Variants in ACKR2 observed in about 807,000 individuals in gnomAD.
ACKR2 encodes the protein atypical chemokine receptor 2.
For missense variants in ACKR2, 457 were observed against 477.3 expected (o/e 0.96, Z 0.40); for synonymous variants, 207 against 192.2 (o/e 1.08, Z -0.64).
chr3:42,855,525 CA>C (rs1169493627), intron 2 of ACKR2, among the ~76,000 whole-genome samples: 1 of 152,086 alleles, frequency 6.6e-6, no homozygotes, highest in Non-Finnish European at 1.5e-5. Context: ...AGTGAAAGAT[CA>C]GGGGTAAAGG....
intron 2 of ACKR2, among the ~76,000 whole-genome samples, chr3:42,833,524 C>G (rs1283079553): frequency 6.6e-6 from 1 of 152,032 alleles, no homozygotes; most frequent in Non-Finnish European, 1.5e-5. Flanking sequence ...ATTTTACATT[C>G]CGTTATTTGT....
At chr3:42,812,925 G>C (rs55641040) in intron 1 of ACKR2, among the ~76,000 whole-genome samples, 80,151 of 151,730 alleles carry the variant, frequency 0.53, 21,852 homozygotes, top group African/African-American at 0.59. Flanking sequence ...CTGACCTCAA[G>C]TGATCCACCT....
rs772959627 is a variant in ACKR2, at chr3:42,865,408, C to T, written c.906C>T (p.Phe302=). 3.7e-6 allele frequency: 6 copies of T among 1,614,186 alleles called. 1 individual carries two copies. The highest frequency in any genetic ancestry group is 2.2e-5 in the South Asian group (2 of 91,088). The change falls in exon 3 of 3, where the codon TTC becomes TTT. Residue 302 remains phenylalanine (F), a synonymous_variant. Transcript: ENST00000422265. ...YALQVTESIA[F]LHCCFSPILY... ...TCCAGGTAACAGAGAGCATCGCCTT[C>T]CTTCACTGCTGCTTTTCCCCCATCC...
At chr3:42,845,314 C>T (rs1349305495) in intron 2 of ACKR2, among the ~76,000 whole-genome samples, 1 of 152,198 alleles carries the variant, frequency 6.6e-6, no homozygotes, top group Non-Finnish European at 1.5e-5. Context: ...TCCTGAGTCT[C>T]ACTGTTTGAG....
At chr3:42,848,171 T>G (rs1701116797) in intron 2 of ACKR2, among the ~76,000 whole-genome samples, 1 of 146,818 alleles carries the variant, frequency 6.8e-6, no homozygotes, top group Admixed American at 6.8e-5. Flanking sequence ...CATACTAATA[T>G]AAATACTTAA....
chr3:42,865,838 C>G lies in ACKR2; in HGVS notation c.*181C>G, dbSNP rs2088430629. ...CTTCCTCCACTTTCTTCACTTGCTT[C>G]CAGGATACCACGCTTTCTTTTCTGA... On this transcript the variant is annotated 3_prime_UTR_variant, in exon 3 of 3. Coordinates refer to ENST00000422265, the MANE Select transcript of ACKR2 (RefSeq NM_001296.5). 3 of 565,484 alleles carry G rather than the reference C, an allele frequency of 5.3e-6. No individual in the cohort carries two copies. The highest frequency in any genetic ancestry group is 3.5e-5 in the Admixed American group (1 of 28,348). The allele number at this position is 565,484 out of a possible 1,614,324, so 35.0% of individuals were successfully genotyped here.
chr3:42,820,757 G>A (rs1700802724), intron 2 of ACKR2, among the ~76,000 whole-genome samples: 1 of 148,734 alleles, frequency 6.7e-6, no homozygotes, highest in African/African-American at 2.5e-5. Flanking sequence ...TAGTAACCTT[G>A]GCCTGTTGCC....
Position 42,809,759 on chromosome 3 carries a change from G to C in ACKR2, c.-119+227G>C, listed in dbSNP as rs9851661. Among the ~76,000 whole-genome samples the C allele has an allele frequency of 9.8e-3, 1,486 of 152,132 alleles. 31 individuals are homozygous for C. The highest frequency in any genetic ancestry group is 0.034 in the African/African-American group (1,414 of 41,490). ...CACCTGTAATCTCAGCTACTCAGGA[G>C]GCTAAGGCAGGAGAATTGTGTGAAC... On this transcript the variant is annotated intron_variant, in intron 1 of 2. Coordinates refer to ENST00000422265, the MANE Select transcript of ACKR2 (RefSeq NM_001296.5).
In ACKR2 at chr3:42,846,331, T is replaced by A. The variant is rs17842065; in HGVS notation, c.-37-18135T>A. ...GTTGATTAGCTGTCAGCTTTCTCAGTTTCCAGAGACCTTGAAAATATTTAA... is the reference window on the plus strand; with the variant it reads ...GTTGATTAGCTGTCAGCTTTCTCAGATTCCAGAGACCTTGAAAATATTTAA... On this transcript the variant is annotated intron_variant, in intron 2 of 2. Coordinates refer to ENST00000422265, the MANE Select transcript of ACKR2 (RefSeq NM_001296.5). Among the ~76,000 whole-genome samples, 676 of 152,232 alleles carry A rather than the reference T, an allele frequency of 4.4e-3. 6 individuals are homozygous for A. The highest frequency in any genetic ancestry group is 0.016 in the African/African-American group (654 of 41,514).
Position 42,845,726 on chromosome 3 carries a change from G to A in ACKR2, c.-37-18740G>A, listed in dbSNP as rs930033777. On this transcript the variant is annotated intron_variant, in intron 2 of 2. Transcript: ENST00000422265. Reference sequence around the variant, plus strand: ...TGGTCAGGCATGGTGGCGCATGCCTGTCATCCCAGCTACTTGGGAGGCTGA... The same window carrying A: ...TGGTCAGGCATGGTGGCGCATGCCTATCATCCCAGCTACTTGGGAGGCTGA... 3.3e-5 allele frequency among the ~76,000 whole-genome samples: 5 copies of A among 151,762 alleles called. No homozygotes were observed. The East Asian group carries it at 9.7e-4, about 29-fold the overall frequency.
In ACKR2 at chr3:42,860,183, AAAAAAAGC is replaced by A. The variant is rs1420418917; in HGVS notation, c.-37-4281_-37-4274del. ...GGAAAGCAAAAAAAAAAAAAAAAAA[AAAAAAAGC>A]AGGGGATGCAATCCTAGTCTCTGAT... On this transcript the variant is annotated intron_variant, in intron 2 of 2. Coordinates refer to ENST00000422265, the MANE Select transcript of ACKR2 (RefSeq NM_001296.5). Among the ~76,000 whole-genome samples, 224 of 145,076 alleles carry A rather than the reference AAAAAAAGC, an allele frequency of 1.5e-3. 2 individuals are homozygous for A. Among genetic ancestry groups the A allele is most frequent in the African/African-American group, 5.2e-3 (205 of 39,512 alleles).
intron 2 of ACKR2, among the ~76,000 whole-genome samples, chr3:42,847,676 A>G (rs1701112134): frequency 1.3e-5 from 2 of 151,412 alleles, no homozygotes; most frequent in Non-Finnish European, 1.5e-5. Flanking sequence ...CAGGCTGTCA[A>G]GAGCTGCCAG....
intron 2 of ACKR2, among the ~76,000 whole-genome samples, chr3:42,823,108 G>A (rs1700825818): frequency 6.6e-6 from 1 of 152,186 alleles, no homozygotes; most frequent in African/African-American, 2.4e-5. Context: ...ACATGGTCTA[G>A]GCTGTGCCTC....
chr3:42,840,259 CAAAA>C (rs34830187), intron 2 of ACKR2, among the ~76,000 whole-genome samples: 1,079 of 34,546 alleles, frequency 0.031, 8 homozygotes, highest in African/African-American at 0.11. Context: ...GACTCCGTCT[CAAAA>C]AAAAAAAAAA....
chr3:42,860,163 G>GCAAAAA (rs2088367258), intron 2 of ACKR2, among the ~76,000 whole-genome samples: 1 of 4,930 alleles, frequency 2.0e-4, no homozygotes, highest in African/African-American at 7.1e-4. Flanking sequence ...CAAATGGAAA[G>GCAAAAA]CAAAAAAAAA....
intron 2 of ACKR2, among the ~76,000 whole-genome samples, chr3:42,854,432 C>T (rs1160214949): frequency 6.6e-6 from 1 of 152,146 alleles, no homozygotes. Flanking sequence ...GGCCAGAAGT[C>T]CCACTGTCGG....
intron 2 of ACKR2, among the ~76,000 whole-genome samples, chr3:42,821,196 A>G (rs1297145772): frequency 6.6e-6 from 1 of 152,104 alleles, no homozygotes; most frequent in Non-Finnish European, 1.5e-5. Flanking sequence ...GGCCTCATCA[A>G]TAGTTTTAAA....
In ACKR2 at chr3:42,864,772, C is replaced by T. The variant is rs368003920; in HGVS notation, c.270C>T (p.Ile90=). The T allele has an allele frequency of 1.2e-6, 2 of 1,614,248 alleles. No homozygotes were observed. Among genetic ancestry groups the T allele is most frequent in the Admixed American group, 3.3e-5 (2 of 60,038 alleles). ...AGATCTATCTGCTGAATCTGGCCAT[C>T]TCCAACCTTCTGTTTCTGGTGACAC... is the stretch of plus-strand genomic sequence containing the variant. ...MVEIYLLNLA[I]SNLLFLVTLP... Residue 90 remains isoleucine (I), a synonymous_variant, in exon 3 of 3, where the codon ATC becomes ATT. Transcript: ENST00000422265.
At chr3:42,845,285 G>C (rs753335417) in intron 2 of ACKR2, among the ~76,000 whole-genome samples, 4 of 152,166 alleles carry the variant, frequency 2.6e-5, no homozygotes, top group Admixed American at 2.0e-4. Flanking sequence ...CAAAGACCAA[G>C]AAAAAATTCA....
Sources: gnomAD v4.1 joint callset for allele counts (sites outside exome capture counted in the v4.1 genomes callset) on GRCh38, gnomAD v4.1.1 for gene constraint, MANE v1.5 for transcripts, NCBI Gene and HGNC (gene_info 2026-07-23, HGNC 2026-07-21) for gene names.